Variants in FLNB observed in about 807,000 individuals in gnomAD.
FLNB encodes the protein filamin-B.
FLNB carries 111 observed loss-of-function variants against 250.6 expected under a neutral mutation model. The observed-to-expected ratio is 0.44, with a 90% CI of 0.38 to 0.52. The LOEUF is 0.52. Ranked by LOEUF, FLNB falls within the 20% of genes least tolerant of loss-of-function variation. The pLI, the probability that FLNB is intolerant of heterozygous loss-of-function variation, is 0.00. For synonymous variants in FLNB, 1,302 were observed against 1,372.1 expected, an observed-to-expected ratio of 0.95 and a Z score of 1.13; for missense variants, 2,869 against 3,447.8, an observed-to-expected ratio of 0.83 and a Z score of 4.20.
intron 43 of FLNB, chr3:58,163,773 G>A (rs2097365786): frequency 5.6e-6 from 1 of 177,800 alleles, no homozygotes; most frequent in South Asian, 1.3e-4. Flanking sequence ...ACCTGTCCCA[G>A]CCTATCTCCT....
At chr3:58,044,508 C>T (rs2097150691) in intron 1 of FLNB, among the ~76,000 whole-genome samples, 1 of 152,120 alleles carries the variant, frequency 6.6e-6, no homozygotes, top group Non-Finnish European at 1.5e-5. Flanking sequence ...ACCAGTAGTC[C>T]CAGCTACTCA....
intron 10 of FLNB, among the ~76,000 whole-genome samples, chr3:58,104,752 G>A (rs1002689938): frequency 1.2e-4 from 18 of 152,170 alleles, no homozygotes; most frequent in Admixed American, 1.0e-3. Flanking sequence ...AGGATATAGT[G>A]TGTGGACTCT....
At chr3:58,166,738 C>T (rs2097371245) in intron 43 of FLNB, among the ~76,000 whole-genome samples, 1 of 152,092 alleles carries the variant, frequency 6.6e-6, no homozygotes, top group Non-Finnish European at 1.5e-5. Context: ...AGGAGGATGG[C>T]TTGAGCCTGG....
At chr3:58,080,141 G>C (rs527442195) in intron 3 of FLNB, among the ~76,000 whole-genome samples, 3 of 152,160 alleles carry the variant, frequency 2.0e-5, no homozygotes, top group Non-Finnish European at 4.4e-5. Flanking sequence ...ACTTTTTATG[G>C]AATGTATTGA....
intron 36 of FLNB, chr3:58,149,623 G>T (rs757057482): frequency 3.3e-6 from 2 of 597,040 alleles, no homozygotes; most frequent in Non-Finnish European, 3.0e-6. Flanking sequence ...TTAAGGAAAG[G>T]CTTCTGTGGT....
intron 1 of FLNB, among the ~76,000 whole-genome samples, chr3:58,062,754 CCA>C (rs1468729727): frequency 6.6e-6 from 1 of 152,068 alleles, no homozygotes; most frequent in East Asian, 1.9e-4. Flanking sequence ...CATTAGGGAC[CCA>C]GCTCTTGTGG....
intron 4 of FLNB, among the ~76,000 whole-genome samples, chr3:58,087,694 C>T (rs12638392): frequency 0.39 from 58,501 of 151,712 alleles, 12,859 homozygotes; most frequent in East Asian, 0.92. Flanking sequence ...TCGTGATCCA[C>T]CTGCCTCGGC....
chr3:58,076,188 C>T (rs2097201432), intron 1 of FLNB, among the ~76,000 whole-genome samples: 1 of 152,166 alleles, frequency 6.6e-6, no homozygotes, highest in African/African-American at 2.4e-5. Flanking sequence ...GGATAACTAG[C>T]TGGCCTCTTA....
chr3:58,170,541 C>T (rs747934901), intron 45 of FLNB, 34 bp from the exon 46 acceptor site: 1 of 1,604,048 alleles, frequency 6.2e-7, no homozygotes, highest in Admixed American at 1.7e-5. Flanking sequence ...TGTCCTGATG[C>T]ATCCGGGTGG....
intron 43 of FLNB, among the ~76,000 whole-genome samples, chr3:58,167,662 C>G (rs1018081604): frequency 3.9e-5 from 6 of 152,206 alleles, no homozygotes; most frequent in African/African-American, 1.4e-4. Flanking sequence ...ATCCAGGGGT[C>G]AAGAGATGAG....
chr3:58,040,200 C>G (rs879821014), intron 1 of FLNB, among the ~76,000 whole-genome samples: 1 of 152,190 alleles, frequency 6.6e-6, no homozygotes, highest in Non-Finnish European at 1.5e-5. Context: ...GCGCTGGCCT[C>G]TCAGGTTCTC....
At chr3:58,048,875 T>C (rs1233721053) in intron 1 of FLNB, among the ~76,000 whole-genome samples, 10 of 152,246 alleles carry the variant, frequency 6.6e-5, no homozygotes, top group Non-Finnish European at 1.2e-4. Flanking sequence ...TAACTCTCAT[T>C]TGTATTTTAA....
At chr3:58,118,237 G>A (rs74403943) in intron 18 of FLNB, among the ~76,000 whole-genome samples, 16,624 of 152,282 alleles carry the variant, frequency 0.11, 1,168 homozygotes, top group African/African-American at 0.19. Flanking sequence ...TCTTTCACAT[G>A]GAAATGGAAG....
chr3:58,051,208 T>C (rs732527), intron 1 of FLNB, among the ~76,000 whole-genome samples: 67,599 of 152,114 alleles, frequency 0.44, 16,047 homozygotes, highest in African/African-American at 0.61. Flanking sequence ...CTTCCTTGTG[T>C]AAGATTTCAC....
At chr3:58,085,353 A>C (rs1400596760) in intron 4 of FLNB, among the ~76,000 whole-genome samples, 1 of 152,248 alleles carries the variant, frequency 6.6e-6, no homozygotes, top group Non-Finnish European at 1.5e-5. Flanking sequence ...TGTCCCTGTC[A>C]TGTGGTTAGA....
intron 25 of FLNB, chr3:58,132,034 A>G (rs1263522537): frequency 1.3e-6 from 2 of 1,493,656 alleles, no homozygotes; most frequent in Non-Finnish European, 1.8e-6. Flanking sequence ...GCATTTTCCC[A>G]TGGCTGCTGA....
Position 58,059,389 on chromosome 3 carries a change from G to A in FLNB, c.293-17657G>A, listed in dbSNP as rs908694363. 7.9e-5 allele frequency among the ~76,000 whole-genome samples: 12 copies of A among 152,226 alleles called. No individual in the cohort carries two copies. In the East Asian group the frequency reaches 9.6e-4, roughly 12 times the overall value. ...GGTAAGAGGAGAGAGCCTTGTCTGTGAGTGTGGTCTAGGGGGATGCTGGAC... is the reference window on the plus strand; with the variant it reads ...GGTAAGAGGAGAGAGCCTTGTCTGTAAGTGTGGTCTAGGGGGATGCTGGAC... On this transcript the variant is annotated intron_variant, in intron 1 of 45. Coordinates refer to ENST00000295956, the MANE Select transcript of FLNB (RefSeq NM_001457.4).
chr3:58,156,859 G>C (rs1348876674), intron 41 of FLNB, among the ~76,000 whole-genome samples: 1 of 152,106 alleles, frequency 6.6e-6, no homozygotes, highest in African/African-American at 2.4e-5. Context: ...ATCACACCCG[G>C]CTAATTTTTG....
rs2097093512 is a variant in FLNB, at chr3:58,008,460, G to T, written c.-105G>T. ...CCGTGGCTCCGGTAGCAGCAAGTTC[G>T]AACCCCGCTCCCGCTCCGCTTCGGT... On this transcript the variant is annotated 5_prime_UTR_variant, in exon 1 of 46. Transcript: ENST00000295956. 9.3e-6 allele frequency: 13 copies of T among 1,391,444 alleles called. No individual in the cohort carries two copies. Among genetic ancestry groups the T allele is most frequent in the Non-Finnish European group, 1.3e-5 (13 of 1,006,978 alleles). The allele number at this position is 1,391,444 out of a possible 1,614,324, so 86.2% of individuals were successfully genotyped here. A position where few individuals can be genotyped will look rare whatever the true frequency, so the allele number is the denominator to read the frequency against.
Sources: gnomAD v4.1 joint callset for allele counts (sites outside exome capture counted in the v4.1 genomes callset) on GRCh38, gnomAD v4.1.1 for gene constraint, MANE v1.5 for transcripts, NCBI Gene and HGNC (gene_info 2026-07-23, HGNC 2026-07-21) for gene names.